PKHD1: variants seen among roughly 807,000 people sequenced by gnomAD.
PKHD1 encodes fibrocystin.
PKHD1 carries 291 observed loss-of-function variants against 412.0 expected under a neutral mutation model. The ratio of observed to expected loss-of-function variants is 0.71; its 90% confidence interval spans 0.64 to 0.78. The LOEUF (loss-of-function observed/expected upper bound fraction) is 0.78. PKHD1 is among the 30% of genes least tolerant of loss of function. PKHD1 has a pLI of 0.00. For missense variants in PKHD1, 4,825 were observed against 4,950.7 expected, an observed-to-expected ratio of 0.97 and a Z score of 0.76; for synonymous variants, 1,777 against 1,821.5, an observed-to-expected ratio of 0.98 and a Z score of 0.62.
In PKHD1 at chr6:52,069,439, G is replaced by C. The variant is rs2128227904; in HGVS notation, c.778+18C>G. On this transcript the variant is annotated intron_variant, in intron 11 of 66. Transcript: ENST00000371117. ...GTGAGGCACAAGGGAAGGGGTACTT[G>C]GTGAAGGGGGATAGTACCTGAGTGT... The C allele has an allele frequency of 6.4e-7, 1 of 1,572,504 alleles. No homozygotes were observed.
At chr6:51,733,021 T>C (rs975132584) in intron 60 of PKHD1, among the ~76,000 whole-genome samples, 1 of 152,176 alleles carries the variant, frequency 6.6e-6, no homozygotes, top group Non-Finnish European at 1.5e-5. Flanking sequence ...CCAAAAGGTA[T>C]TGTATGATTC....
intron 60 of PKHD1, among the ~76,000 whole-genome samples, chr6:51,666,067 G>A (rs1773711670): frequency 6.6e-6 from 1 of 152,144 alleles, no homozygotes; most frequent in Non-Finnish European, 1.5e-5. Flanking sequence ...TGGGTCAAAT[G>A]TTTGTGGACT....
intron 66 of PKHD1, among the ~76,000 whole-genome samples, chr6:51,625,158 G>T (rs1767078300): frequency 6.6e-6 from 1 of 152,164 alleles, no homozygotes; most frequent in African/African-American, 2.4e-5. Flanking sequence ...TAGTAGTCAT[G>T]CTCAGTTCCA....
rs147372425 is a variant in PKHD1 at position 51,618,849 on chromosome 6, A to C, written c.*232T>G. 1.0e-3 allele frequency: 581 copies of C among 570,286 alleles called. 2 individuals are homozygous for C. Among genetic ancestry groups the C allele is most frequent in the African/African-American group, 1.0e-2 (533 of 53,398 alleles). 35.3% of individuals were successfully genotyped at this position (570,286 alleles called of 1,614,324 possible). A position where few individuals can be genotyped will look rare whatever the true frequency, so the allele number is the denominator to read the frequency against. On this transcript the variant is annotated 3_prime_UTR_variant, in exon 67 of 67. Coordinates refer to ENST00000371117, the MANE Select transcript of PKHD1 (RefSeq NM_138694.4). ...TGGTAAATAATTAACAAGTGCCATTATTTGCCTAGCATTGAACTAGGATCA... is the reference window on the plus strand; with the variant it reads ...TGGTAAATAATTAACAAGTGCCATTCTTTGCCTAGCATTGAACTAGGATCA...
intron 37 of PKHD1, among the ~76,000 whole-genome samples, chr6:51,925,764 C>A (rs1785487343): frequency 6.6e-6 from 1 of 152,014 alleles, no homozygotes; most frequent in Admixed American, 6.6e-5. Flanking sequence ...ATCTGCTTCT[C>A]TTTTTCTCTC....
At chr6:51,783,882 G>A (rs1195179947) in intron 53 of PKHD1, among the ~76,000 whole-genome samples, 1 of 151,912 alleles carries the variant, frequency 6.6e-6, no homozygotes, top group African/African-American at 2.4e-5. Context: ...TAAATATATT[G>A]TAGTCATTTA....
intron 52 of PKHD1, among the ~76,000 whole-genome samples, chr6:51,799,681 C>T (rs898410141): frequency 6.6e-6 from 1 of 152,160 alleles, no homozygotes; most frequent in Admixed American, 6.6e-5. Flanking sequence ...CCCTCCAGAG[C>T]AGATCATCTG....
In PKHD1 at chr6:51,898,020, C is replaced by G. The variant is rs200200944; in HGVS notation, c.6996+5577G>C. On this transcript the variant is annotated intron_variant, in intron 43 of 66. Coordinates refer to ENST00000371117, the MANE Select transcript of PKHD1 (RefSeq NM_138694.4). ...AGCACCCAGATTCATAAAGCAAGTC[C>G]TGAGTGACCTACAAAGAGACTTAGA... Among the ~76,000 whole-genome samples the G allele has an allele frequency of 2.7e-5, 4 of 149,570 alleles. No homozygotes were observed. In the East Asian group the frequency reaches 8.0e-4, roughly 30 times the overall value.
intron 51 of PKHD1, among the ~76,000 whole-genome samples, chr6:51,835,795 T>A (rs1197513031): frequency 6.6e-6 from 1 of 152,250 alleles, no homozygotes; most frequent in African/African-American, 2.4e-5. Context: ...TAGCATGGGC[T>A]CTGCTCTGAC....
chr6:51,694,112 T>C lies in PKHD1; in HGVS notation c.10157-34143A>G, dbSNP rs1582124382. 2.0e-5 allele frequency among the ~76,000 whole-genome samples: 3 copies of C among 152,198 alleles called. No homozygotes were observed. The East Asian group carries it at 5.8e-4, about 29-fold the overall frequency. On this transcript the variant is annotated intron_variant, in intron 60 of 66. Coordinates refer to ENST00000371117, the MANE Select transcript of PKHD1 (RefSeq NM_138694.4). ...CACCACCATGCCACCTGGCTTCATC[T>C]TAATAATTAATATTCTTGCTGTTAT... is the stretch of plus-strand genomic sequence containing the variant.
chr6:51,737,187 A>T (rs1783965740), intron 60 of PKHD1, among the ~76,000 whole-genome samples: 2 of 152,208 alleles, frequency 1.3e-5, no homozygotes, highest in African/African-American at 4.8e-5. Flanking sequence ...ACCTGCCCTG[A>T]AGGTGTATGT....
rs1318903669 is a variant in PKHD1 at position 51,626,987 on chromosome 6, C to G, written c.11785+10G>C. The G allele has an allele frequency of 6.2e-7, 1 of 1,613,162 alleles. No individual in the cohort carries two copies. The highest frequency in any genetic ancestry group is 8.5e-7 in the Non-Finnish European group (1 of 1,179,280). ...CTCCTGTGGGGATCATCTCCACCCT[C>G]CAAGCTTACCTTCTCCCACCACAGT... On this transcript the variant is annotated intron_variant, in intron 66 of 66. Transcript: ENST00000371117.
intron 52 of PKHD1, among the ~76,000 whole-genome samples, chr6:51,821,282 T>C (rs567513763): frequency 5.3e-5 from 8 of 152,310 alleles, no homozygotes; most frequent in Middle Eastern, 3.4e-3. Flanking sequence ...CAAACTTTAA[T>C]GGTGATTTCT....
chr6:51,808,466 A>G, intron 52 of PKHD1, among the ~76,000 whole-genome samples: 1 of 152,104 alleles, frequency 6.6e-6, no homozygotes, highest in East Asian at 1.9e-4. Flanking sequence ...TTAAAAGTAG[A>G]GACTAGTCAT....
chr6:51,760,226 G>A (rs1003856198), intron 55 of PKHD1, among the ~76,000 whole-genome samples: 2 of 152,058 alleles, frequency 1.3e-5, no homozygotes, highest in Non-Finnish European at 2.9e-5. Flanking sequence ...GAACCAAGAA[G>A]CTCAATAAGT....
In PKHD1 at chr6:52,048,479, A is replaced by G. The variant is rs1421102557; in HGVS notation, c.2407+13T>C. 10 of 1,613,568 alleles carry G rather than the reference A, an allele frequency of 6.2e-6. No homozygotes were observed. The South Asian group carries it at 1.1e-4, about 18-fold the overall frequency. ...GTGAGTGAGAATTGTTGCAACCCCA[A>G]TCACCCCTTTACCAGAAATCACTGT... On this transcript the variant is annotated intron_variant, in intron 23 of 66. Coordinates refer to ENST00000371117, the MANE Select transcript of PKHD1 (RefSeq NM_138694.4).
intron 53 of PKHD1, among the ~76,000 whole-genome samples, chr6:51,782,164 A>T (rs1202181813): frequency 6.6e-6 from 1 of 152,078 alleles, no homozygotes; most frequent in Non-Finnish European, 1.5e-5. Flanking sequence ...AAAATTATTA[A>T]AATAGGAAAG....
At chr6:51,805,736 A>G (rs927723969) in intron 52 of PKHD1, among the ~76,000 whole-genome samples, 1 of 152,094 alleles carries the variant, frequency 6.6e-6, no homozygotes, top group African/African-American at 2.4e-5. Context: ...TTACACAGCC[A>G]ACTCATATTT....
At chr6:51,715,955 T>C (rs1562155135) in intron 60 of PKHD1, among the ~76,000 whole-genome samples, 2 of 152,232 alleles carry the variant, frequency 1.3e-5, no homozygotes, top group African/African-American at 4.8e-5. Flanking sequence ...CAAACTGTCT[T>C]CAGAAGTTGG....
Sources: allele counts gnomAD v4.1 joint callset (sites outside exome capture counted in the v4.1 genomes callset), GRCh38; gene constraint gnomAD v4.1.1; transcripts MANE v1.5; gene names NCBI Gene and HGNC (gene_info 2026-07-23, HGNC 2026-07-21).